The following PTPRM variants were observed in gnomAD, a reference collection of about 807,000 sequenced individuals.
The protein encoded by PTPRM is protein tyrosine phosphatase receptor type M.
In PTPRM, 47 loss-of-function variants were observed where a neutral mutation model predicts 186.7. The ratio of observed to expected loss-of-function variants is 0.25; its 90% CI spans 0.20 to 0.32. The LOEUF (loss-of-function observed/expected upper bound fraction) is 0.32. Ranked by LOEUF, PTPRM falls within the 10% of genes least tolerant of loss-of-function variation. The pLI, the probability that PTPRM is intolerant of heterozygous loss-of-function variation, is 1.00. For missense variants in PTPRM, 1,494 were observed against 1,865.0 expected (o/e 0.80, Z 3.66); for synonymous variants, 668 against 674.9 (o/e 0.99, Z 0.16).
chr18:7,981,745 A>G (rs73383830), intron 7 of PTPRM, among the ~76,000 whole-genome samples: 7,988 of 152,302 alleles, frequency 0.052, 500 homozygotes, highest in African/African-American at 0.15. Flanking sequence ...AGAGGTAGCA[A>G]GGCCAGCTAC....
intron 1 of PTPRM, among the ~76,000 whole-genome samples, chr18:7,706,301 G>A (rs1269190422): frequency 6.6e-6 from 1 of 151,854 alleles, no homozygotes; most frequent in Non-Finnish European, 1.5e-5. Context: ...TAGCTCAAAA[G>A]AGATGCCTGT....
intron 1 of PTPRM, among the ~76,000 whole-genome samples, chr18:7,703,569 T>C (rs906556676): frequency 1.3e-5 from 2 of 152,182 alleles, no homozygotes; most frequent in African/African-American, 2.4e-5. Context: ...AAGGAGATTT[T>C]GGGTTGAGAT....
Position 8,253,360 on chromosome 18 carries a change from G to A in PTPRM, c.2700G>A (p.Gln900=), listed in dbSNP as rs1353418713. The A allele has an allele frequency of 1.3e-6, 2 of 1,595,004 alleles. No individual in the cohort carries two copies. The highest frequency in any genetic ancestry group is 1.7e-6 in the Non-Finnish European group (2 of 1,171,036). Residue 900 remains glutamine (Q), a synonymous_variant, in exon 19 of 33, where the codon CAG becomes CAA. Transcript: ENST00000580170. ...HPAIRVADLL[Q]HITQMKCAEG... ...CCATCCGGGTGGCAGACCTCCTTCAGCACATCACACAGATGAAGTGTGCGG... is the reference window on the plus strand; with the variant it reads ...CCATCCGGGTGGCAGACCTCCTTCAACACATCACACAGATGAAGTGTGCGG...
rs1195127506 is a variant in PTPRM at position 7,966,948 on chromosome 18, C to A, written c.1132+11534C>A. ...GCCTGGAAGCTCGAACTGGGTGGAG[C>A]CCACCACAGCTCTAGGAGGCCTGCC... On this transcript the variant is annotated intron_variant, in intron 7 of 32. Coordinates refer to ENST00000580170, the MANE Select transcript of PTPRM (RefSeq NM_001105244.2). Among the ~76,000 whole-genome samples, 13 of 123,080 alleles carry A rather than the reference C, an allele frequency of 1.1e-4. 4 individuals carry two copies. Among genetic ancestry groups the A allele is most frequent in the Non-Finnish European group, 2.5e-4 (13 of 51,518 alleles). The allele number at this position is 123,080 out of a possible 152,430, so 80.7% of individuals were successfully genotyped here.
At chr18:7,576,987 A>T (rs2036704352) in intron 1 of PTPRM, among the ~76,000 whole-genome samples, 1 of 152,238 alleles carries the variant, frequency 6.6e-6, no homozygotes, top group African/African-American at 2.4e-5. Context: ...AGCATGTAGT[A>T]GTCACTCAAT....
chr18:8,304,820 T>C (rs1367287751), intron 20 of PTPRM, among the ~76,000 whole-genome samples: 1 of 44,148 alleles, frequency 2.3e-5, no homozygotes, highest in African/African-American at 7.6e-5. Context: ...CTGTTGACTT[T>C]ATTTTTTTTT....
intron 14 of PTPRM, among the ~76,000 whole-genome samples, chr18:8,179,485 T>A (rs144857841): frequency 1.8e-4 from 28 of 151,792 alleles, no homozygotes; most frequent in African/African-American, 6.3e-4. Flanking sequence ...TTCTTTTTTT[T>A]TTTTAGATGG....
intron 1 of PTPRM, among the ~76,000 whole-genome samples, chr18:7,615,736 G>A (rs1186274457): frequency 2.0e-5 from 3 of 152,094 alleles, no homozygotes; most frequent in Non-Finnish European, 4.4e-5. Context: ...TGATTCAAGT[G>A]CATTACATTT....
chr18:8,163,179 C>T (rs2093262767), intron 14 of PTPRM, among the ~76,000 whole-genome samples: 1 of 152,208 alleles, frequency 6.6e-6, no homozygotes, highest in Non-Finnish European at 1.5e-5. Context: ...TGTGCTGGTG[C>T]CTGGACTTAA....
intron 20 of PTPRM, among the ~76,000 whole-genome samples, chr18:8,297,552 G>A (rs1244510213): frequency 6.6e-6 from 1 of 152,222 alleles, no homozygotes; most frequent in Non-Finnish European, 1.5e-5. Flanking sequence ...ATGGCCGTAC[G>A]ACTGAGAAAC....
At chr18:7,843,980 G>A (rs1419502088) in intron 2 of PTPRM, among the ~76,000 whole-genome samples, 1 of 152,120 alleles carries the variant, frequency 6.6e-6, no homozygotes, top group East Asian at 1.9e-4. Context: ...ATGTGGTCTG[G>A]GATTCCTCAC....
intron 1 of PTPRM, among the ~76,000 whole-genome samples, chr18:7,599,818 G>C (rs1464208749): frequency 6.6e-6 from 1 of 152,132 alleles, no homozygotes; most frequent in African/African-American, 2.4e-5. Context: ...TCCCGAGCTG[G>C]GGACTGTGCA....
At chr18:8,251,121 T>TAC (rs1241294100) in intron 17 of PTPRM, among the ~76,000 whole-genome samples, 2 of 152,158 alleles carry the variant, frequency 1.3e-5, no homozygotes, top group African/African-American at 4.8e-5. Context: ...GATGATTACA[T>TAC]ACAACAGTGA....
intron 1 of PTPRM, among the ~76,000 whole-genome samples, chr18:7,740,334 A>G (rs915405904): frequency 1.3e-5 from 2 of 152,218 alleles, no homozygotes; most frequent in Non-Finnish European, 2.9e-5. Context: ...TATTGGGGCC[A>G]AGTTTGAGGA....
chr18:8,136,286 A>ATGAT (rs1245148433), intron 13 of PTPRM, among the ~76,000 whole-genome samples: 1 of 152,220 alleles, frequency 6.6e-6, no homozygotes, highest in African/African-American at 2.4e-5. Context: ...TTACTTGATA[A>ATGAT]TGATTTGAGA....
chr18:7,734,978 C>T (rs1442394369), intron 1 of PTPRM, among the ~76,000 whole-genome samples: 2 of 152,184 alleles, frequency 1.3e-5, no homozygotes, highest in East Asian at 3.9e-4. Flanking sequence ...CTGCAACCAA[C>T]TGAATGGATC....
intron 13 of PTPRM, among the ~76,000 whole-genome samples, chr18:8,138,928 C>T (rs1011546621): frequency 2.6e-5 from 4 of 152,106 alleles, no homozygotes; most frequent in African/African-American, 9.7e-5. Context: ...TTCGCCTGGA[C>T]ATCCGCCTCC....
rs114569911 is a variant in PTPRM, at chr18:7,819,609, G to A, written c.196+45338G>A. On this transcript the variant is annotated intron_variant, in intron 2 of 32. Coordinates refer to ENST00000580170, the MANE Select transcript of PTPRM (RefSeq NM_001105244.2). ...CATTCTCCAAGCCCACAGGTGATCTGATTCTTCTAGTACACCAAGGCAAGA... is the reference window on the plus strand; with the variant it reads ...CATTCTCCAAGCCCACAGGTGATCTAATTCTTCTAGTACACCAAGGCAAGA... Among the ~76,000 whole-genome samples, 421 of 152,334 alleles carry A rather than the reference G, an allele frequency of 2.8e-3. 2 individuals are homozygous for A. Among genetic ancestry groups the A allele is most frequent in the African/African-American group, 9.6e-3 (401 of 41,564 alleles).
chr18:7,569,061 A>C (rs774215045), intron 1 of PTPRM, among the ~76,000 whole-genome samples: 6 of 152,182 alleles, frequency 3.9e-5, no homozygotes, highest in Non-Finnish European at 7.4e-5. Flanking sequence ...TTTGGGAACA[A>C]GTGAGTTGAA....
Sources: allele counts gnomAD v4.1 joint callset (sites outside exome capture counted in the v4.1 genomes callset), GRCh38; gene constraint gnomAD v4.1.1; transcripts MANE v1.5; gene names NCBI Gene and HGNC (gene_info 2026-07-23, HGNC 2026-07-21).